Variants in ARHGEF4 observed in about 807,000 individuals in gnomAD.
ARHGEF4 encodes Rho guanine nucleotide exchange factor 4, also known as APC-stimulated guanine nucleotide exchange factor 1.
In ARHGEF4, 119 loss-of-function variants were observed where a neutral mutation model predicts 162.0. The observed-to-expected ratio is 0.73, with a 90% CI of 0.63 to 0.86. The LOEUF is 0.86. Ranked by LOEUF, ARHGEF4 falls within the 40% of genes least tolerant of loss-of-function variation. ARHGEF4 has a pLI of 0.00. For missense variants in ARHGEF4, 2,488 were observed against 2,456.0 expected (o/e 1.01, Z -0.28); for synonymous variants, 1,014 against 979.9 (o/e 1.03, Z -0.65).
intron 1 of ARHGEF4, among the ~76,000 whole-genome samples, chr2:130,852,490 T>C (rs763565720): frequency 2.7e-4 from 18 of 67,864 alleles, no homozygotes; most frequent in Admixed American, 4.3e-4. Context: ...AGACTGACTG[T>C]GGGGAGTGGG....
intron 1 of ARHGEF4, among the ~76,000 whole-genome samples, chr2:130,846,271 C>T (rs1207143895): frequency 2.0e-5 from 3 of 152,206 alleles, no homozygotes; most frequent in Admixed American, 6.5e-5. Flanking sequence ...CCGCCAGGGC[C>T]TAGGGCCTGG....
At chr2:130,884,339 T>G (rs1559019005) in intron 1 of ARHGEF4, among the ~76,000 whole-genome samples, 1 of 151,956 alleles carries the variant, frequency 6.6e-6, no homozygotes, top group Non-Finnish European at 1.5e-5. Flanking sequence ...AGTTTAATGG[T>G]TAAAGAGTAC....
intron 4 of ARHGEF4, among the ~76,000 whole-genome samples, chr2:130,981,651 C>G (rs946436319): frequency 6.8e-6 from 1 of 148,110 alleles, no homozygotes; most frequent in African/African-American, 2.5e-5. Flanking sequence ...AAGCGAGACT[C>G]CATCTCAAAA....
intron 1 of ARHGEF4, among the ~76,000 whole-genome samples, chr2:130,892,021 T>A (rs967872861): frequency 1.3e-5 from 2 of 152,178 alleles, no homozygotes; most frequent in African/African-American, 4.8e-5. Flanking sequence ...TTTTAAAAAA[T>A]TTTATAGAGA....
chr2:131,002,583 A>G (rs975696767), intron 4 of ARHGEF4, among the ~76,000 whole-genome samples: 4 of 151,988 alleles, frequency 2.6e-5, no homozygotes, highest in African/African-American at 7.2e-5. Context: ...GTTGGCAGGC[A>G]CCTGTAGTCC....
chr2:130,893,830 C>T (rs929158228), intron 1 of ARHGEF4, among the ~76,000 whole-genome samples: 1 of 152,204 alleles, frequency 6.6e-6, no homozygotes, highest in African/African-American at 2.4e-5. Context: ...GGGGCCCTCT[C>T]CAAACTTAGC....
intron 11 of ARHGEF4, 168 bp downstream of exon 11, chr2:131,043,751 G>A (rs1691003249): frequency 2.3e-6 from 2 of 864,580 alleles, no homozygotes; most frequent in Admixed American, 2.7e-5. Context: ...TGAGCCTGGT[G>A]GCCCAGGAGC....
chr2:130,969,374 G>A (rs1685210300), intron 4 of ARHGEF4, among the ~76,000 whole-genome samples: 1 of 152,058 alleles, frequency 6.6e-6, no homozygotes, highest in African/African-American at 2.4e-5. Context: ...GAGGCAGGTG[G>A]ATCACAAGAT....
intron 4 of ARHGEF4, chr2:130,963,739 GGTAGTGGGCA>G (rs945995487): frequency 2.0e-5 from 3 of 146,898 alleles, no homozygotes. Context: ...CCGGGCGGCC[GGTAGTGGGCA>G]GCGAGCTGAC....
chr2:130,996,537 A>G (rs1052579087), intron 4 of ARHGEF4, among the ~76,000 whole-genome samples: 29 of 152,288 alleles, frequency 1.9e-4, no homozygotes, highest in Middle Eastern at 3.4e-3. Flanking sequence ...CATTTTATCA[A>G]TTATTCCAGT....
At chr2:130,966,944 A>G (rs1558781565) in intron 4 of ARHGEF4, among the ~76,000 whole-genome samples, 1 of 152,308 alleles carries the variant, frequency 6.6e-6, no homozygotes, top group East Asian at 1.9e-4. Context: ...CAAAGGACAC[A>G]TGTGTTTAAC....
At chr2:130,897,890 A>C (rs1680253395) in intron 1 of ARHGEF4, among the ~76,000 whole-genome samples, 2 of 152,194 alleles carry the variant, frequency 1.3e-5, no homozygotes. Flanking sequence ...AGAGGTAATG[A>C]ACGTGAAGGC....
chr2:130,910,350 G>A (rs1386674201), intron 1 of ARHGEF4, among the ~76,000 whole-genome samples: 2 of 152,172 alleles, frequency 1.3e-5, no homozygotes, highest in African/African-American at 2.4e-5. Context: ...AAGAATGCTG[G>A]TGTGGGTATA....
At chr2:130,911,826 C>A (rs1681208974) in intron 1 of ARHGEF4, among the ~76,000 whole-genome samples, 1 of 152,248 alleles carries the variant, frequency 6.6e-6, no homozygotes, top group Non-Finnish European at 1.5e-5. Flanking sequence ...GGCAGCGATG[C>A]TGGGCAGGGA....
chr2:130,917,082 A>G lies in ARHGEF4; in HGVS notation c.3136A>G (p.Ile1046Val), dbSNP rs1681545777. Residue 1046 changes from isoleucine to valine, a missense_variant, in exon 2 of 14, where the codon ATC (isoleucine) becomes GTC (valine). Physicochemically the swap from Ile to Val is conservative, Grantham distance 29 (BLOSUM62 3). Transcript: ENST00000409359. ...AGGCGGTAGGTACCTACCTTCAGGT[A>G]TCTTTCCGGAAAAGTCCTGGCTGGC... ...QEGGRYLPSG[I>V]FPEKSWLASP... The G allele has an allele frequency of 2.6e-6, 4 of 1,550,654 alleles. No homozygotes were observed. The highest frequency in any genetic ancestry group is 3.5e-6 in the Non-Finnish European group (4 of 1,147,002).
chr2:130,948,535 C>T (rs1683762777), intron 4 of ARHGEF4, among the ~76,000 whole-genome samples: 1 of 152,220 alleles, frequency 6.6e-6, no homozygotes, highest in African/African-American at 2.4e-5. Flanking sequence ...TACCTCCTTA[C>T]AATTCAGAGC....
chr2:131,039,448 G>C lies in ARHGEF4; in HGVS notation c.4305+416G>C. The C allele has an allele frequency of 3.9e-6, 4 of 1,025,924 alleles. No homozygotes were observed. In the South Asian group the frequency reaches 1.7e-4, roughly 43 times the overall value. 63.6% of individuals were successfully genotyped at this position (1,025,924 alleles called of 1,614,324 possible). ...AGTTATTAGCCCTGGAGATAGCAGA[G>C]AGGGGACCTGGATTCCATCTAAGGG... On this transcript the variant is annotated intron_variant, in intron 6 of 13. Transcript: ENST00000409359.
At position 130,914,237 on chromosome 2, in the gene ARHGEF4, A is replaced by T. The variant is rs1681361912; in HGVS notation, c.291A>T (p.Val97=). 6.5e-7 allele frequency: 1 copy of T among 1,535,498 alleles called. No individual in the cohort carries two copies. The highest frequency in any genetic ancestry group is 2.0e-5 in the Admixed American group (1 of 50,962). The part of the protein sequence containing the change: ...GVFHPLRGTP[V]DIEAPWEYPD... The stretch of plus-strand genomic sequence containing the variant: ...TCCACCCTCTAAGAGGTACTCCCGT[A>T]GATATAGAAGCACCTTGGGAATACC... The change falls in exon 2 of 14, where the codon GTA becomes GTT. Residue 97 remains valine (V), a synonymous_variant. Coordinates refer to ENST00000409359, the MANE Select transcript of ARHGEF4 (RefSeq NM_001367493.1).
At chr2:130,913,706 T>C (rs1681328542) in intron 1 of ARHGEF4, among the ~76,000 whole-genome samples, 1 of 152,250 alleles carries the variant, frequency 6.6e-6, no homozygotes, top group Non-Finnish European at 1.5e-5. Context: ...TTTTTATACT[T>C]ATGTAAACGC....
Sources: allele counts gnomAD v4.1 joint callset (sites outside exome capture counted in the v4.1 genomes callset), GRCh38; gene constraint gnomAD v4.1.1; transcripts MANE v1.5; gene names NCBI Gene and HGNC (gene_info 2026-07-23, HGNC 2026-07-21).